Variants in PDZD2 observed in about 807,000 individuals in gnomAD.
PDZD2 encodes the protein PDZ domain-containing protein 2.
Under a neutral mutation model 220.7 loss-of-function variants are expected in PDZD2, and 90 were observed. The observed-to-expected ratio is 0.41, with a 90% confidence interval of 0.34 to 0.49. The LOEUF (loss-of-function observed/expected upper bound fraction) is 0.49, where lower values mean the gene tolerates loss of function less well. Ranked by LOEUF, PDZD2 falls within the 20% of genes least tolerant of loss-of-function variation. The probability of loss-of-function intolerance (pLI) is 0.28; values close to 1 mark genes in which losing one functional copy is unlikely to be tolerated. For missense variants in PDZD2, 3,174 were observed against 3,608.5 expected, an observed-to-expected ratio of 0.88 and a Z score of 3.08; for synonymous variants, 1,375 against 1,450.5, an observed-to-expected ratio of 0.95 and a Z score of 1.18.
chr5:31,858,155 G>A (rs1758623932), intron 2 of PDZD2, among the ~76,000 whole-genome samples: 1 of 151,430 alleles, frequency 6.6e-6, no homozygotes, highest in Non-Finnish European at 1.5e-5. Flanking sequence ...TAGAGGCGGG[G>A]TTTCACCATG....
At chr5:31,818,801 C>G (rs998259784) in intron 2 of PDZD2, among the ~76,000 whole-genome samples, 1 of 152,206 alleles carries the variant, frequency 6.6e-6, no homozygotes, top group African/African-American at 2.4e-5. Flanking sequence ...TTCGCCTACA[C>G]TAATTCTCCA....
chr5:31,925,158 G>T (rs1460879382), intron 2 of PDZD2, among the ~76,000 whole-genome samples: 1 of 152,186 alleles, frequency 6.6e-6, no homozygotes, highest in South Asian at 2.1e-4. Context: ...GCCATGGAAA[G>T]TCATCCTAAG....
At chr5:31,772,002 G>A (rs1236311601) in intron 1 of PDZD2, among the ~76,000 whole-genome samples, 5 of 152,176 alleles carry the variant, frequency 3.3e-5, no homozygotes, top group African/African-American at 1.2e-4. Context: ...AGGTGGAGAA[G>A]CCCCATCTGG....
At chr5:31,965,120 C>T (rs1215043435) in intron 2 of PDZD2, among the ~76,000 whole-genome samples, 2 of 152,136 alleles carry the variant, frequency 1.3e-5, no homozygotes, top group African/African-American at 2.4e-5. Context: ...TTAGATAAAA[C>T]GACACGGACA....
chr5:32,069,639 C>A lies in PDZD2; in HGVS notation c.2522C>A (p.Ser841Tyr). ...TYQESKEANSSPGLGTPLKSP... is the reference protein window; with the variant it reads ...TYQESKEANSYPGLGTPLKSP... ...CAGGAGAGCAAAGAGGCCAATTCCT[C>A]TCCTGGCTTAGGTACTGTAATCTCA... The change falls in exon 15 of 25, where the codon TCT becomes TAT. Residue 841 changes from serine (S) to tyrosine (Y), a missense_variant. Physicochemically the swap from Ser to Tyr is moderately radical, Grantham distance 144. Coordinates refer to ENST00000438447, the MANE Select transcript of PDZD2 (RefSeq NM_178140.4). 6.5e-7 allele frequency: 1 copy of A among 1,528,586 alleles called. No homozygotes were observed. The highest frequency in any genetic ancestry group is 9.1e-7 in the Non-Finnish European group (1 of 1,101,756). 94.7% of individuals were successfully genotyped at this position (1,528,586 alleles called of 1,614,324 possible).
In PDZD2 at chr5:31,741,193, A is replaced by G. The variant is rs954288906; in HGVS notation, c.-360-57696A>G. On this transcript the variant is annotated intron_variant, in intron 1 of 24. Coordinates refer to ENST00000438447, the MANE Select transcript of PDZD2 (RefSeq NM_178140.4). ...AGTCAGATCTTGTACAATAGTGTGT[A>G]CACACACACACACACACACACACAC... Among the ~76,000 whole-genome samples the G allele has an allele frequency of 6.4e-3, 133 of 20,854 alleles. 2 individuals carry two copies. Among genetic ancestry groups the G allele is most frequent in the African/African-American group, 0.031 (121 of 3,954 alleles). 13.7% of individuals were successfully genotyped at this position (20,854 alleles called of 152,430 possible).
chr5:31,886,497 C>T (rs1302628764), intron 2 of PDZD2, among the ~76,000 whole-genome samples: 4 of 152,100 alleles, frequency 2.6e-5, no homozygotes, highest in African/African-American at 9.7e-5. Flanking sequence ...CTCCCTTTGC[C>T]CCTCCACCCT....
chr5:32,053,577 G>C (rs1272499272), intron 9 of PDZD2, among the ~76,000 whole-genome samples, 192 bp from the exon 10 acceptor site: 1 of 152,198 alleles, frequency 6.6e-6, no homozygotes, highest in Non-Finnish European at 1.5e-5. Flanking sequence ...ATCGGAGGAG[G>C]GGAATAAGGA....
intron 2 of PDZD2, among the ~76,000 whole-genome samples, chr5:31,905,525 A>AC (rs1742565316): frequency 6.6e-6 from 1 of 152,194 alleles, no homozygotes; most frequent in South Asian, 2.1e-4. Flanking sequence ...GGTGGAGTTC[A>AC]GTTTACCACT....
chr5:32,103,463 TA>T (rs964124269), intron 24 of PDZD2: 15 of 152,106 alleles, frequency 9.9e-5, no homozygotes, highest in African/African-American at 3.4e-4. Context: ...TTTCAGAATA[TA>T]AAGAAGAAAA....
rs149387854 is a variant in PDZD2, at chr5:31,925,256, G to A, written c.477-57899G>A. The stretch of plus-strand genomic sequence containing the variant: ...AACTAAAACAGCACGGTACTGGTAC[G>A]AAAACAGGCACACAAACCAATGGAA... On this transcript the variant is annotated intron_variant, in intron 2 of 24. Coordinates refer to ENST00000438447, the MANE Select transcript of PDZD2 (RefSeq NM_178140.4). Among the ~76,000 whole-genome samples, 730 of 152,052 alleles carry A rather than the reference G, an allele frequency of 4.8e-3. 5 individuals are homozygous for A. The highest frequency in any genetic ancestry group is 0.017 in the African/African-American group (701 of 41,456).
At position 32,087,791 on chromosome 5, in the gene PDZD2, A is replaced by T. The variant is rs1742643901; in HGVS notation, c.4343A>T (p.Asp1448Val). 1.2e-6 allele frequency: 2 copies of T among 1,613,434 alleles called. No homozygotes were observed. Among genetic ancestry groups the T allele is most frequent in the African/African-American group, 2.7e-5 (2 of 74,850 alleles). ...AARSPSSQTG[D>V]SGSQEGSAQG... is the part of the protein sequence containing the mutation. ...AGGTCTCCGTCTTCCCAGACGGGGG[A>T]CAGTGGCTCTCAGGAGGGCAGTGCT... The change falls in exon 20 of 25, where the codon GAC (aspartate) becomes GTC (valine). Residue 1448 changes from aspartate to valine, a missense_variant. Around this residue, in one of 4 missense-constraint regions of PDZD2, gnomAD observed 1,861 missense variants for 2,001.0 expected, o/e 0.93. Transcript: ENST00000438447. This position sits in a 1 kb window ranked among gnomAD's most constrained non-coding sequence, Gnocchi z 4.0.
chr5:31,878,506 G>A (rs996126387), intron 2 of PDZD2, among the ~76,000 whole-genome samples: 1 of 148,466 alleles, frequency 6.7e-6, no homozygotes, highest in Admixed American at 6.7e-5. Flanking sequence ...ACCTGGAGAA[G>A]AGCATGGACA....
chr5:32,040,833 G>C (rs1442518260), intron 7 of PDZD2, among the ~76,000 whole-genome samples: 14 of 149,554 alleles, frequency 9.4e-5, no homozygotes, highest in African/African-American at 3.5e-4. Context: ...CCCTGTCTAG[G>C]AAGCGAGGAG....
Position 32,098,564 on chromosome 5 carries a change from G to C in PDZD2, c.8148G>C (p.Arg2716=), listed in dbSNP as rs780154108. The change falls in exon 23 of 25, where the codon CGG becomes CGC. Residue 2716 remains arginine (R), a synonymous_variant. Coordinates refer to ENST00000438447, the MANE Select transcript of PDZD2 (RefSeq NM_178140.4). This position sits in a 1 kb window ranked among gnomAD's most constrained non-coding sequence, Gnocchi z 4.1. ...KGMDQPRPSA[R]QEPPTANGKG... The stretch of plus-strand genomic sequence containing the variant: ...TGGATCAGCCCAGGCCCTCTGCCCG[G>C]CAGGAGCCTCCCACAGCCAATGGGA... The C allele has an allele frequency of 1.2e-6, 2 of 1,613,974 alleles. No homozygotes were observed. The highest frequency in any genetic ancestry group is 2.7e-5 in the African/African-American group (2 of 74,938).
chr5:32,052,885 A>G (rs1474727304), intron 9 of PDZD2, among the ~76,000 whole-genome samples, 155 bp downstream of exon 9: 1 of 152,154 alleles, frequency 6.6e-6, no homozygotes, highest in Non-Finnish European at 1.5e-5. Flanking sequence ...ATCATGGCTC[A>G]CTGCAGTCTT....
chr5:32,106,641 C>T (rs904370787), intron 24 of PDZD2: 2 of 152,208 alleles, frequency 1.3e-5, no homozygotes, highest in African/African-American at 4.8e-5. Context: ...GTGCGTCAGG[C>T]TGTTCTGGTT....
chr5:32,104,746 A>G lies in PDZD2; in HGVS notation c.8354-3223A>G, dbSNP rs924768102. 2.2e-5 allele frequency among the ~76,000 whole-genome samples: 3 copies of G among 133,984 alleles called. No individual in the cohort carries two copies. In the South Asian group the frequency reaches 7.2e-4, roughly 32 times the overall value. 87.9% of individuals were successfully genotyped at this position (133,984 alleles called of 152,430 possible). ...AAAAAAAAAAAAAAAAAAAAAAAAAACATATAAAATGTTCATTATATGGCA... is the reference window on the plus strand; with the variant it reads ...AAAAAAAAAAAAAAAAAAAAAAAAAGCATATAAAATGTTCATTATATGGCA... On this transcript the variant is annotated intron_variant, in intron 24 of 24. Coordinates refer to ENST00000438447, the MANE Select transcript of PDZD2 (RefSeq NM_178140.4).
chr5:32,060,336 T>C (rs1561477347), intron 13 of PDZD2, among the ~76,000 whole-genome samples: 1 of 152,212 alleles, frequency 6.6e-6, no homozygotes, highest in African/African-American at 2.4e-5. Flanking sequence ...AAATCCCATA[T>C]AAAGAGTCTT....
Sources: allele counts gnomAD v4.1 joint callset (sites outside exome capture counted in the v4.1 genomes callset), GRCh38; gene constraint gnomAD v4.1.1; regional missense constraint gnomAD v4.1.1; non-coding constraint Gnocchi (gnomAD v3.1); transcripts MANE v1.5; gene names NCBI Gene and HGNC (gene_info 2026-07-23, HGNC 2026-07-21).